SMYD2: variants seen among roughly 807,000 people sequenced by gnomAD.
The protein encoded by SMYD2 is N-lysine methyltransferase SMYD2.
Under a neutral mutation model 59.1 loss-of-function variants are expected in SMYD2, and 53 were observed. The observed-to-expected ratio is 0.90, with a 90% CI of 0.72 to 1.13. The LOEUF (loss-of-function observed/expected upper bound fraction) is 1.13, where lower values mean the gene tolerates loss of function less well. Ranked by LOEUF, SMYD2 falls within the 50% of genes most tolerant of loss-of-function variation. The pLI is 0.00. For synonymous variants in SMYD2, 208 were observed against 198.8 expected, an observed-to-expected ratio of 1.05 and a Z score of -0.39; for missense variants, 494 against 544.7, an observed-to-expected ratio of 0.91 and a Z score of 0.93.
rs1185247153 is a variant in SMYD2, at chr1:214,336,962, T to C, written c.*178T>C. 2 of 517,812 alleles carry C rather than the reference T, an allele frequency of 3.9e-6. No homozygotes were observed. The highest frequency in any genetic ancestry group is 6.6e-6 in the Non-Finnish European group (2 of 301,842). The allele number at this position is 517,812 out of a possible 1,614,324, so 32.1% of individuals were successfully genotyped here. A position where few individuals can be genotyped will look rare whatever the true frequency, so the allele number is the denominator to read the frequency against. The stretch of plus-strand genomic sequence containing the variant: ...TGAGGTTAGTCTGAATCTTGAACTT[T>C]AATACCAAATTAATTTTGAATGCTT... On this transcript the variant is annotated 3_prime_UTR_variant, in exon 12 of 12. Transcript: ENST00000366957.
intron 1 of SMYD2, among the ~76,000 whole-genome samples, chr1:214,302,512 G>A (rs1656842685): frequency 1.3e-5 from 2 of 152,142 alleles, no homozygotes; most frequent in South Asian, 2.1e-4. Context: ...CCAACTCCCT[G>A]AAAGGGTCTC....
rs1028589826 is a variant in SMYD2, at chr1:214,284,783, T to C, written c.173+3356T>C. ...CACCCACCTCAGCCTCTCAAAGTGC[T>C]AGGATTACAGGCGTGAGCCACCGTG... On this transcript the variant is annotated intron_variant, in intron 1 of 11. Transcript: ENST00000366957. Among the ~76,000 whole-genome samples, 5 of 152,324 alleles carry C rather than the reference T, an allele frequency of 3.3e-5. No individual in the cohort carries two copies. The South Asian group carries it at 1.0e-3, about 32-fold the overall frequency.
At chr1:214,327,847 C>A (rs3754136) in intron 7 of SMYD2, 123 bp downstream of exon 7, 196,154 of 757,810 alleles carry the variant, frequency 0.26, 26,853 homozygotes, top group East Asian at 0.46. Context: ...AGCAGTTTAG[C>A]TGAGTCTGCC....
chr1:214,335,470 T>C (rs113387931), intron 11 of SMYD2, among the ~76,000 whole-genome samples: 1 of 152,202 alleles, frequency 6.6e-6, no homozygotes, highest in African/African-American at 2.4e-5. Flanking sequence ...TTCCGAAGGC[T>C]TGCACTGTTA....
chr1:214,292,022 A>G (rs1228332279), intron 1 of SMYD2, among the ~76,000 whole-genome samples: 2 of 151,964 alleles, frequency 1.3e-5, no homozygotes, highest in Non-Finnish European at 2.9e-5. Context: ...ATTTCATCCA[A>G]TATTTAATTG....
chr1:214,295,397 A>T (rs973858725), intron 1 of SMYD2, among the ~76,000 whole-genome samples: 3 of 151,632 alleles, frequency 2.0e-5, no homozygotes, highest in East Asian at 1.9e-4. Flanking sequence ...AGCTTCATGA[A>T]TTTTTTTTGC....
chr1:214,288,706 G>T (rs556425582), intron 1 of SMYD2, among the ~76,000 whole-genome samples: 9 of 152,196 alleles, frequency 5.9e-5, no homozygotes, highest in Non-Finnish European at 1.2e-4. Context: ...TAAACATGTT[G>T]TTTTTATTAT....
At chr1:214,320,264 T>C (rs1358564311) in intron 5 of SMYD2, among the ~76,000 whole-genome samples, 1 of 151,918 alleles carries the variant, frequency 6.6e-6, no homozygotes, top group East Asian at 1.9e-4. Context: ...GTATGAAAAG[T>C]ATGAAAAAAG....
intron 2 of SMYD2, among the ~76,000 whole-genome samples, chr1:214,306,421 C>T (rs1038950941): frequency 2.6e-5 from 4 of 152,220 alleles, no homozygotes; most frequent in African/African-American, 7.2e-5. Context: ...GAAGCACAGG[C>T]TGAGACCTTG....
In SMYD2 at chr1:214,318,708, G is replaced by A. The variant is rs1437545346; in HGVS notation, c.410-151G>A. 5.6e-6 allele frequency: 5 copies of A among 899,696 alleles called. No individual in the cohort carries two copies. The highest frequency in any genetic ancestry group is 1.7e-5 in the African/African-American group (1 of 59,028). The allele number at this position is 899,696 out of a possible 1,614,324, so 55.7% of individuals were successfully genotyped here. Reference sequence around the variant, plus strand: ...GGTTTGTCAGTTAAACCAAGTAATGGGGAAGAATGTTCTCTGGGGGTTCAA... The same window carrying A: ...GGTTTGTCAGTTAAACCAAGTAATGAGGAAGAATGTTCTCTGGGGGTTCAA... On this transcript the variant is annotated intron_variant, in intron 4 of 11. Coordinates refer to ENST00000366957, the MANE Select transcript of SMYD2 (RefSeq NM_020197.3). The surrounding 1 kb of genome is among the most constrained non-coding windows in gnomAD (Gnocchi z 5.4).
chr1:214,308,728 G>A (rs1010682762), intron 2 of SMYD2, among the ~76,000 whole-genome samples: 1 of 152,124 alleles, frequency 6.6e-6, no homozygotes, highest in Non-Finnish European at 1.5e-5. Context: ...GGAGGTTATC[G>A]AGTTCAATAT....
At chr1:214,322,421 T>C (rs1035922898) in intron 5 of SMYD2, among the ~76,000 whole-genome samples, 1 of 152,246 alleles carries the variant, frequency 6.6e-6, no homozygotes, top group Non-Finnish European at 1.5e-5. Context: ...CAAAAAATAA[T>C]ATGCCAAGTC....
At chr1:214,304,063 G>T (rs1479976535) in intron 1 of SMYD2, among the ~76,000 whole-genome samples, 1 of 152,192 alleles carries the variant, frequency 6.6e-6, no homozygotes. Context: ...AAAAAGCTTT[G>T]GTTCATCTCA....
chr1:214,310,170 A>C (rs757125742), intron 2 of SMYD2, among the ~76,000 whole-genome samples: 2 of 152,272 alleles, frequency 1.3e-5, no homozygotes, highest in Non-Finnish European at 2.9e-5. Flanking sequence ...CTTTTCTTCC[A>C]GTGCTGGAAA....
Position 214,324,656 on chromosome 1 carries a change from T to C in SMYD2, c.550T>C (p.Phe184Leu). 3 of 1,613,330 alleles carry C rather than the reference T, an allele frequency of 1.9e-6. No individual in the cohort carries two copies. The highest frequency in any genetic ancestry group is 2.5e-6 in the Non-Finnish European group (3 of 1,179,750). ...VLFAQVNCNG[F>L]TIEDEELSHL... ...CTTGCTGCAGGTTAACTGTAATGGC[T>C]TCACAATTGAAGATGAAGAACTTTC... is the stretch of plus-strand genomic sequence containing the variant. The change falls in exon 6 of 12, where the codon TTC (phenylalanine) becomes CTC (leucine). Residue 184 changes from phenylalanine (F) to leucine (L), a missense_variant. Physicochemically the swap from Phe to Leu is conservative, Grantham distance 22. Coordinates refer to ENST00000366957, the MANE Select transcript of SMYD2 (RefSeq NM_020197.3).
At chr1:214,331,397 C>T (rs1657351524) in intron 9 of SMYD2, 2 of 259,218 alleles carry the variant, frequency 7.7e-6, no homozygotes, top group South Asian at 1.2e-4. Context: ...TTGCTTATTT[C>T]AGCTCTCCTC....
intron 6 of SMYD2, among the ~76,000 whole-genome samples, chr1:214,327,043 T>C (rs1242212246): frequency 6.6e-6 from 1 of 152,264 alleles, no homozygotes; most frequent in Non-Finnish European, 1.5e-5. Context: ...TCCTTCTCGC[T>C]GTCCCTGAAA....
chr1:214,309,666 T>G (rs553530549), intron 2 of SMYD2, among the ~76,000 whole-genome samples: 9 of 152,130 alleles, frequency 5.9e-5, no homozygotes, highest in Non-Finnish European at 1.2e-4. Context: ...TATGGGTGAT[T>G]AGTGTAATGG....
rs1332849829 is a variant in SMYD2 at position 214,336,985 on chromosome 1, C to T, written c.*201C>T. ...TTTAATACCAAATTAATTTTGAATG[C>T]TTTTGTTTCCTAAGAGATAATGGCA... On this transcript the variant is annotated 3_prime_UTR_variant, in exon 12 of 12. Transcript: ENST00000366957. 1.4e-5 allele frequency: 7 copies of T among 495,866 alleles called. No homozygotes were observed. The highest frequency in any genetic ancestry group is 2.5e-5 in the Non-Finnish European group (7 of 284,336). The allele number at this position is 495,866 out of a possible 1,614,324, so 30.7% of individuals were successfully genotyped here. A position where few individuals can be genotyped will look rare whatever the true frequency, so the allele number is the denominator to read the frequency against.
Sources: gnomAD v4.1 joint callset for allele counts (sites outside exome capture counted in the v4.1 genomes callset) on GRCh38, gnomAD v4.1.1 for gene constraint, Gnocchi (gnomAD v3.1) non-coding constraint, MANE v1.5 for transcripts, NCBI Gene and HGNC (gene_info 2026-07-23, HGNC 2026-07-21) for gene names.